Variants in ITSN2 observed in about 807,000 individuals in gnomAD.
The protein encoded by ITSN2 is intersectin-2.
Under a neutral mutation model 243.7 loss-of-function variants are expected in ITSN2, and 156 were observed. That is an observed-to-expected ratio of 0.64 (90% CI 0.56 to 0.73). The LOEUF (loss-of-function observed/expected upper bound fraction) is 0.73. Among genes scored for constraint, ITSN2 ranks in the 30% least tolerant of loss-of-function variants. The pLI is 0.00. For synonymous variants in ITSN2, 703 were observed against 699.9 expected (o/e 1.00, Z -0.07); for missense variants, 1,801 against 1,996.1 (o/e 0.90, Z 1.86).
intron 1 of ITSN2, among the ~76,000 whole-genome samples, chr2:24,332,669 C>G (rs759519275): frequency 6.6e-6 from 1 of 152,128 alleles, no homozygotes; most frequent in Non-Finnish European, 1.5e-5. Context: ...CATTTCATAT[C>G]TATTACATTT....
intron 1 of ITSN2, among the ~76,000 whole-genome samples, chr2:24,342,346 C>T (rs550944948): frequency 1.8e-4 from 27 of 151,710 alleles, no homozygotes; most frequent in Non-Finnish European, 2.5e-4. Flanking sequence ...CACAAGAGCA[C>T]GCTGCCAAGC....
In ITSN2 at chr2:24,245,178, G is replaced by A. The variant is rs145279627; in HGVS notation, c.3577+951C>T. Among the ~76,000 whole-genome samples the A allele has an allele frequency of 6.4e-3, 976 of 152,052 alleles. 7 individuals are homozygous for A. Among genetic ancestry groups the A allele is most frequent in the South Asian group, 0.024 (113 of 4,808 alleles). ...TATATTTACTGTCAACCAAAAGAAC[G>A]GCTAGATAAATACAGAGAGATAATT... On this transcript the variant is annotated intron_variant, in intron 29 of 39. Transcript: ENST00000355123.
rs181703615 is a variant in ITSN2, at chr2:24,288,600, T to C, written c.1724-2249A>G. On this transcript the variant is annotated intron_variant, in intron 15 of 39. Transcript: ENST00000355123. The stretch of plus-strand genomic sequence containing the variant: ...TACGCATGTTGTTTTGAAATATGTA[T>C]ACATTGTAAAATGGCTAAATTCAGC... Among the ~76,000 whole-genome samples, 234 of 152,300 alleles carry C rather than the reference T, an allele frequency of 1.5e-3. 1 individual carries two copies. The highest frequency in any genetic ancestry group is 5.4e-3 in the African/African-American group (223 of 41,578).
chr2:24,272,987 C>A lies in ITSN2; in HGVS notation c.2082-1046G>T, dbSNP rs560088259. On this transcript the variant is annotated intron_variant, in intron 18 of 39. Coordinates refer to ENST00000355123, the MANE Select transcript of ITSN2 (RefSeq NM_006277.3). ...GAGCTGCCACCACTTAAATTTAGCA[C>A]CTTCTCCAAGCCTCAGCACTATCAG... is the stretch of plus-strand genomic sequence containing the variant. 3.3e-5 allele frequency among the ~76,000 whole-genome samples: 5 copies of A among 152,264 alleles called. No homozygotes were observed. In the South Asian group the frequency reaches 1.0e-3, roughly 32 times the overall value.
chr2:24,336,577 T>C (rs540411859), intron 1 of ITSN2, among the ~76,000 whole-genome samples: 1 of 152,352 alleles, frequency 6.6e-6, no homozygotes, highest in Non-Finnish European at 1.5e-5. Context: ...CTCTACTCCT[T>C]CATAAAGAGG....
chr2:24,215,939 A>C (rs1187217101), intron 32 of ITSN2, 110 bp downstream of exon 32: 6 of 739,372 alleles, frequency 8.1e-6, no homozygotes, highest in Non-Finnish European at 1.2e-5. Context: ...TTCCTTTGGA[A>C]ACTGATGGGG....
rs1274539628 is a variant in ITSN2, at chr2:24,252,454, T to C, written c.3011A>G (p.Glu1004Gly). The change falls in exon 25 of 40, where the codon GAA (glutamate) becomes GGA (glycine). Residue 1004 changes from glutamate (E) to glycine (G), a missense_variant. Transcript: ENST00000355123. ...CTGGGTCACCAATATTTCTTCACCT[T>C]CTGTGAAAGTCAAATCTCCAGGTTC... ...SVEPGDLTFT[E>G]GEEILVTQKD... The C allele has an allele frequency of 1.2e-6, 2 of 1,612,304 alleles. No individual in the cohort carries two copies. The highest frequency in any genetic ancestry group is 1.7e-6 in the Non-Finnish European group (2 of 1,178,614).
At chr2:24,275,581 G>A in intron 18 of ITSN2, 132 bp downstream of exon 18, 2 of 614,950 alleles carry the variant, frequency 3.3e-6, no homozygotes, top group South Asian at 3.3e-5. Flanking sequence ...TAAAAGGACT[G>A]AACTTATGAG....
intron 17 of ITSN2, among the ~76,000 whole-genome samples, chr2:24,282,210 A>G (rs935371321): frequency 6.6e-6 from 1 of 152,230 alleles, no homozygotes; most frequent in Non-Finnish European, 1.5e-5. Context: ...CATGAGGACC[A>G]CATCGGCAGA....
At chr2:24,325,607 C>T (rs1032779357) in intron 2 of ITSN2, among the ~76,000 whole-genome samples, 1 of 152,094 alleles carries the variant, frequency 6.6e-6, no homozygotes. Context: ...TAAGCCTTAT[C>T]GAAGAGGCAG....
intron 2 of ITSN2, among the ~76,000 whole-genome samples, chr2:24,322,908 G>C (rs1477519701): frequency 6.6e-6 from 1 of 151,612 alleles, no homozygotes; most frequent in Non-Finnish European, 1.5e-5. Context: ...AGGAACAAAA[G>C]ATTTGAACAG....
At chr2:24,206,054 C>T (rs1212377398) in intron 37 of ITSN2, among the ~76,000 whole-genome samples, 4 of 152,076 alleles carry the variant, frequency 2.6e-5, no homozygotes, top group Non-Finnish European at 5.9e-5. Flanking sequence ...ACTGAACGCA[C>T]GGACGATGCA....
In ITSN2 at chr2:24,312,473, A is replaced by G. The variant is rs1683372878; in HGVS notation, c.189-98T>C. On this transcript the variant is annotated intron_variant, in intron 4 of 39. Coordinates refer to ENST00000355123, the MANE Select transcript of ITSN2 (RefSeq NM_006277.3). ...GACAAAGTAAAAATGATGATATGGC[A>G]TTCACGTGTACATCATCACTAAATT... 2.1e-5 allele frequency: 16 copies of G among 765,786 alleles called. No homozygotes were observed. In the South Asian group the frequency reaches 3.6e-4, roughly 17 times the overall value. The allele number at this position is 765,786 out of a possible 1,614,324, so 47.4% of individuals were successfully genotyped here.
chr2:24,258,946 C>G (rs144709810), intron 22 of ITSN2, among the ~76,000 whole-genome samples: 1 of 152,260 alleles, frequency 6.6e-6, no homozygotes, highest in East Asian at 1.9e-4. Context: ...TTTGTCCAAC[C>G]CTTTTCCCTT....
intron 36 of ITSN2, 89 bp downstream of exon 36, chr2:24,209,011 A>T: frequency 6.8e-7 from 1 of 1,463,666 alleles, no homozygotes; most frequent in Non-Finnish European, 9.5e-7. Flanking sequence ...AGTGGGGCTT[A>T]AGCACGGCTG....
intron 29 of ITSN2, chr2:24,241,237 A>G (rs1429793809): frequency 6.6e-6 from 1 of 152,220 alleles, no homozygotes; most frequent in Non-Finnish European, 1.5e-5. Context: ...TCACCTGATT[A>G]AAACAGGTAA....
chr2:24,281,375 T>C (rs941517040), intron 17 of ITSN2, among the ~76,000 whole-genome samples: 3 of 152,158 alleles, frequency 2.0e-5, no homozygotes, highest in Non-Finnish European at 4.4e-5. Context: ...TTGACTCCCA[T>C]CATTCTCTTT....
intron 1 of ITSN2, among the ~76,000 whole-genome samples, chr2:24,359,831 C>A (rs1280779635): frequency 6.6e-6 from 1 of 152,114 alleles, no homozygotes; most frequent in Non-Finnish European, 1.5e-5. Context: ...CACCGGGATG[C>A]GGCTCACCTG....
intron 9 of ITSN2, among the ~76,000 whole-genome samples, chr2:24,303,090 T>G (rs912791977): frequency 6.6e-5 from 10 of 152,150 alleles, no homozygotes; most frequent in African/African-American, 2.4e-4. Context: ...ACAATAAACA[T>G]CTGTTAATAT....
Sources: gnomAD v4.1 joint callset for allele counts (sites outside exome capture counted in the v4.1 genomes callset) on GRCh38, gnomAD v4.1.1 for gene constraint, MANE v1.5 for transcripts, NCBI Gene and HGNC (gene_info 2026-07-23, HGNC 2026-07-21) for gene names.